The following PDLIM5 variants were observed in gnomAD, a reference collection of about 807,000 sequenced individuals.
The protein encoded by PDLIM5 is PDZ and LIM domain protein 5.
PDLIM5 carries 34 observed loss-of-function variants against 64.2 expected under a neutral mutation model. The ratio of observed to expected loss-of-function variants is 0.53; its 90% CI spans 0.40 to 0.71. The LOEUF (loss-of-function observed/expected upper bound fraction) is 0.71, where lower values mean the gene tolerates loss of function less well. PDLIM5 is among the 30% of genes least tolerant of loss of function. PDLIM5 has a pLI of 0.00. For synonymous variants in PDLIM5, 253 were observed against 269.1 expected (o/e 0.94, Z 0.59); for missense variants, 683 against 733.6 (o/e 0.93, Z 0.80).
chr4:94,505,148 C>T (rs545302983), intron 2 of PDLIM5, among the ~76,000 whole-genome samples: 12 of 152,274 alleles, frequency 7.9e-5, no homozygotes, highest in African/African-American at 2.6e-4. Flanking sequence ...GGACACCAGC[C>T]GGGTGTACTG....
chr4:94,593,013 T>TA (rs1320233103), intron 7 of PDLIM5, among the ~76,000 whole-genome samples: 29 of 152,336 alleles, frequency 1.9e-4, no homozygotes, highest in Non-Finnish European at 1.5e-5. Context: ...CCTCTGAACT[T>TA]ACATGCTACA....
chr4:94,636,147 C>T (rs1740540384), intron 8 of PDLIM5, among the ~76,000 whole-genome samples: 1 of 152,182 alleles, frequency 6.6e-6, no homozygotes, highest in Non-Finnish European at 1.5e-5. Context: ...CTCCTTGAGG[C>T]ATGGGCCAGA....
chr4:94,585,248 T>G (rs2131455), intron 5 of PDLIM5, among the ~76,000 whole-genome samples: 151,428 of 152,172 alleles, frequency 1, 75,343 homozygotes, highest in East Asian at 1. Context: ...GTGCCACCAT[T>G]CCCAGCTAAT....
In PDLIM5 at chr4:94,502,998, G is replaced by A. The variant is rs185382959; in HGVS notation, c.97-20726G>A. On this transcript the variant is annotated intron_variant, in intron 2 of 12. Transcript: ENST00000317968. ...GTACTAGCCATATATTTTGCAGGGC[G>A]AGCTTTGGTAAGGTTTTTTCCTTTC... 4.6e-5 allele frequency among the ~76,000 whole-genome samples: 7 copies of A among 152,268 alleles called. No homozygotes were observed. The East Asian group carries it at 9.7e-4, about 21-fold the overall frequency.
In PDLIM5 at chr4:94,665,849, G is replaced by A. The variant is rs1743055303; in HGVS notation, c.*1782G>A. On this transcript the variant is annotated 3_prime_UTR_variant, in exon 13 of 13. Transcript: ENST00000317968. ...CACAGAGGTTGGGTAGTGTTGGGAG[G>A]GGAGTTTAATTACTCAGATTGGCCT... 2.2e-6 allele frequency: 3 copies of A among 1,380,442 alleles called. No homozygotes were observed. Among genetic ancestry groups the A allele is most frequent in the Non-Finnish European group, 2.8e-6 (3 of 1,073,348 alleles). 85.5% of individuals were successfully genotyped at this position (1,380,442 alleles called of 1,614,324 possible). A position where few individuals can be genotyped will look rare whatever the true frequency, so the allele number is the denominator to read the frequency against.
intron 3 of PDLIM5, among the ~76,000 whole-genome samples, chr4:94,568,419 T>C (rs569763646): frequency 1.3e-5 from 2 of 152,352 alleles, no homozygotes; most frequent in African/African-American, 2.4e-5. Flanking sequence ...TTTATTGAAA[T>C]GGTATTTTCA....
At chr4:94,624,755 A>G (rs77230638) in intron 8 of PDLIM5, among the ~76,000 whole-genome samples, 5,156 of 152,276 alleles carry the variant, frequency 0.034, 192 homozygotes, top group East Asian at 0.16. Context: ...GGTAGGAAAG[A>G]CAAGTAGTTC....
intron 9 of PDLIM5, among the ~76,000 whole-genome samples, chr4:94,641,075 G>A (rs1740969078): frequency 6.6e-6 from 1 of 152,230 alleles, no homozygotes. Context: ...GAATCTCTGA[G>A]TATTTCTGAA....
At chr4:94,593,460 C>T (rs377346741) in intron 7 of PDLIM5, among the ~76,000 whole-genome samples, 18 of 152,032 alleles carry the variant, frequency 1.2e-4, no homozygotes, top group African/African-American at 3.1e-4. Context: ...CCTTTCCTAA[C>T]GGTTGTGTAT....
chr4:94,622,758 C>A (rs1739342404), intron 8 of PDLIM5, among the ~76,000 whole-genome samples: 1 of 152,014 alleles, frequency 6.6e-6, no homozygotes, highest in South Asian at 2.1e-4. Flanking sequence ...GCAACCTCCA[C>A]CTCCCAGGTT....
At chr4:94,507,171 G>A (rs1728465235) in intron 2 of PDLIM5, among the ~76,000 whole-genome samples, 1 of 151,802 alleles carries the variant, frequency 6.6e-6, no homozygotes, top group Admixed American at 6.6e-5. Flanking sequence ...CCTATCGTGG[G>A]ACTTCATCTT....
At chr4:94,661,737 T>C (rs1459421694) in intron 11 of PDLIM5, among the ~76,000 whole-genome samples, 2 of 152,210 alleles carry the variant, frequency 1.3e-5, no homozygotes, top group East Asian at 3.8e-4. Flanking sequence ...TCTCTCTTCA[T>C]TAGTCTTATT....
chr4:94,646,621 G>A (rs900664658), intron 9 of PDLIM5, among the ~76,000 whole-genome samples: 1 of 152,098 alleles, frequency 6.6e-6, no homozygotes, highest in Non-Finnish European at 1.5e-5. Flanking sequence ...AGTGCAAAAA[G>A]GAGAGGTAAG....
intron 1 of PDLIM5, among the ~76,000 whole-genome samples, chr4:94,452,262 G>GC (rs1369477700): frequency 6.6e-6 from 1 of 152,192 alleles, no homozygotes; most frequent in African/African-American, 2.4e-5. Flanking sequence ...CGCAGCCCGG[G>GC]CCGACCGGGA....
chr4:94,607,703 T>A (rs1738038561), intron 7 of PDLIM5, among the ~76,000 whole-genome samples: 2 of 152,154 alleles, frequency 1.3e-5, no homozygotes, highest in Admixed American at 1.3e-4. Context: ...TGGCCCTTAC[T>A]AGATGTATGG....
chr4:94,455,660 C>G, intron 2 of PDLIM5: 1 of 819,246 alleles, frequency 1.2e-6, no homozygotes, highest in Non-Finnish European at 1.9e-6. Flanking sequence ...TTTGAACTGT[C>G]CCTAATTTGG....
At chr4:94,583,266 T>C (rs1735886294) in intron 5 of PDLIM5, among the ~76,000 whole-genome samples, 1 of 152,112 alleles carries the variant, frequency 6.6e-6, no homozygotes, top group South Asian at 2.1e-4. Context: ...ACAAAGAATC[T>C]AAGGGGTAGT....
At chr4:94,627,522 T>C (rs1047274512) in intron 8 of PDLIM5, among the ~76,000 whole-genome samples, 3 of 152,238 alleles carry the variant, frequency 2.0e-5, no homozygotes, top group African/African-American at 7.2e-5. Context: ...ATGCATATGG[T>C]TTAAACCAAA....
At chr4:94,516,530 CTCTT>C (rs1729374445) in intron 2 of PDLIM5, among the ~76,000 whole-genome samples, 2 of 134,788 alleles carry the variant, frequency 1.5e-5, no homozygotes, top group African/African-American at 3.0e-5. Flanking sequence ...CTCTCTCTCT[CTCTT>C]TTTTAGTTGG....
Sources: gnomAD v4.1 joint callset for allele counts (sites outside exome capture counted in the v4.1 genomes callset) on GRCh38, gnomAD v4.1.1 for gene constraint, MANE v1.5 for transcripts, NCBI Gene and HGNC (gene_info 2026-07-23, HGNC 2026-07-21) for gene names.